The following TRIM29 variants were observed in gnomAD, a reference collection of about 807,000 sequenced individuals.
TRIM29 encodes the protein tripartite motif containing 29.
In TRIM29, 52 loss-of-function variants were observed where a neutral mutation model predicts 57.3. The observed-to-expected ratio is 0.91, with a 90% CI of 0.73 to 1.14. TRIM29 has a LOEUF of 1.14. Ranked by LOEUF, TRIM29 falls within the 50% of genes most tolerant of loss-of-function variation. TRIM29 has a pLI of 0.00. For missense variants in TRIM29, 753 were observed against 774.6 expected, an observed-to-expected ratio of 0.97 and a Z score of 0.33; for synonymous variants, 319 against 316.9, an observed-to-expected ratio of 1.01 and a Z score of -0.07.
intron 8 of TRIM29, among the ~76,000 whole-genome samples, chr11:120,112,730 C>T (rs1050652169): frequency 5.9e-5 from 9 of 152,098 alleles, no homozygotes; most frequent in Admixed American, 3.3e-4. Flanking sequence ...CCTCAGCCCC[C>T]GCATTACACT....
At chr11:120,122,159 TGTGTGA>T (rs1175773012) in intron 5 of TRIM29, among the ~76,000 whole-genome samples, 2 of 146,808 alleles carry the variant, frequency 1.4e-5, no homozygotes, top group African/African-American at 5.1e-5. Flanking sequence ...TGTGTGTGTG[TGTGTGA>T]AAGACGTGTG....
Position 120,121,792 on chromosome 11 carries a change from G to A in TRIM29, c.1436-1127C>T, listed in dbSNP as rs182020802. The A allele has an allele frequency of 1.3e-3, 442 of 335,726 alleles. 3 individuals carry two copies. The highest frequency in any genetic ancestry group is 7.9e-3 in the African/African-American group (368 of 46,726). 20.8% of individuals were successfully genotyped at this position (335,726 alleles called of 1,614,324 possible). A position where few individuals can be genotyped will look rare whatever the true frequency, so the allele number is the denominator to read the frequency against. ...GTCTCCTACAGAGCAGGAGAGACCC[G>A]CAGGAGCCTGTCAGGGCACTCGATG... On this transcript the variant is annotated intron_variant, in intron 5 of 8. Coordinates refer to ENST00000341846, the MANE Select transcript of TRIM29 (RefSeq NM_012101.4).
intron 1 of TRIM29, among the ~76,000 whole-genome samples, chr11:120,130,012 C>T (rs1055933642): frequency 1.3e-5 from 2 of 152,072 alleles, no homozygotes; most frequent in African/African-American, 4.8e-5. Flanking sequence ...GGAGAGAAGC[C>T]AGCAGCCACT....
intron 2 of TRIM29, among the ~76,000 whole-genome samples, chr11:120,128,199 A>C (rs1863638189): frequency 6.6e-6 from 1 of 152,218 alleles, no homozygotes; most frequent in African/African-American, 2.4e-5. Flanking sequence ...GCATTAGGTC[A>C]CAGACAGGAT....
chr11:120,114,474 T>A (rs528182243), intron 8 of TRIM29, among the ~76,000 whole-genome samples: 1 of 152,160 alleles, frequency 6.6e-6, no homozygotes, highest in South Asian at 2.1e-4. Context: ...GACCTCCAAT[T>A]GCAAGGACAG....
chr11:120,127,774 C>T (rs1863625703), intron 2 of TRIM29, among the ~76,000 whole-genome samples: 1 of 152,082 alleles, frequency 6.6e-6, no homozygotes, highest in Admixed American at 6.6e-5. Context: ...GGTTTGTTCA[C>T]AGTCCACGCT....
rs760970626 is a variant in TRIM29, at chr11:120,137,766, T to C, written c.266A>G (p.Lys89Arg). ...GTCCATGCTGAAGTAGTTGGAGTTC[T>C]TGTCGTCCCCGGACTCGACAAACTG... ...IIQFVESGDD[K>R]NSNYFSMDSM... The change falls in exon 1 of 9, where the codon AAG becomes AGG. Residue 89 changes from lysine (K) to arginine (R), a missense_variant. By Grantham distance (26) the Lys-to-Arg change is conservative. Transcript: ENST00000341846. This position sits in a 1 kb window ranked among gnomAD's most constrained non-coding sequence, Gnocchi z 6.2. 16 of 1,612,260 alleles carry C rather than the reference T, an allele frequency of 9.9e-6. No homozygotes were observed. In the East Asian group the frequency reaches 3.3e-4, roughly 34 times the overall value.
At chr11:120,135,407 A>T (rs890846463) in intron 1 of TRIM29, among the ~76,000 whole-genome samples, 1 of 152,138 alleles carries the variant, frequency 6.6e-6, no homozygotes, top group Non-Finnish European at 1.5e-5. Flanking sequence ...TGAGCGTGGA[A>T]AGGACTTATT....
rs982502409 is a variant in TRIM29 at position 120,115,771 on chromosome 11, A to G, written c.1628-357T>C. 4 of 243,638 alleles carry G rather than the reference A, an allele frequency of 1.6e-5. No homozygotes were observed. In the Admixed American group the frequency reaches 2.0e-4, roughly 12 times the overall value. 15.1% of individuals were successfully genotyped at this position (243,638 alleles called of 1,614,324 possible). A position where few individuals can be genotyped will look rare whatever the true frequency, so the allele number is the denominator to read the frequency against. On this transcript the variant is annotated intron_variant, in intron 7 of 8. Coordinates refer to ENST00000341846, the MANE Select transcript of TRIM29 (RefSeq NM_012101.4). Reference sequence around the variant, plus strand: ...ACACCACGGGCCCTCCCCTTCCCAGAGCCCAGGAGCGCCACGCATAAGCAT... The same window carrying G: ...ACACCACGGGCCCTCCCCTTCCCAGGGCCCAGGAGCGCCACGCATAAGCAT...
At position 120,125,818 on chromosome 11, in the gene TRIM29, C is replaced by T. The variant is rs189154451; in HGVS notation, c.1206G>A (p.Gly402=). 1.9e-6 allele frequency: 3 copies of T among 1,614,146 alleles called. No homozygotes were observed. The highest frequency in any genetic ancestry group is 2.5e-6 in the Non-Finnish European group (3 of 1,180,032). ...PLPTYHVLLE[G]EGLGQSLGNF... ...TGCCTAGTGACTGTCCCAGGCCCTC[C>T]CCCTCCAGCAGGACATGATAGGTGG... Residue 402 remains glycine, a synonymous_variant, in exon 4 of 9, where the codon GGG becomes GGA. Transcript: ENST00000341846.
At chr11:120,134,721 C>T (rs1863784678) in intron 1 of TRIM29, among the ~76,000 whole-genome samples, 1 of 152,230 alleles carries the variant, frequency 6.6e-6, no homozygotes, top group East Asian at 1.9e-4. Flanking sequence ...CTAAAACACA[C>T]ATATCCCAAT....
chr11:120,122,792 A>G (rs1352918140), intron 5 of TRIM29, among the ~76,000 whole-genome samples, 162 bp downstream of exon 5: 2 of 152,170 alleles, frequency 1.3e-5, no homozygotes, highest in African/African-American at 2.4e-5. Context: ...CCTGTTCATC[A>G]TCACATCAGG....
At chr11:120,115,498 C>A in intron 7 of TRIM29, 84 bp from the exon 8 acceptor site, 3 of 1,148,902 alleles carry the variant, frequency 2.6e-6, no homozygotes, top group South Asian at 2.9e-5. Context: ...GCTGCCTTCT[C>A]CAAAGTGACC....
intron 1 of TRIM29, among the ~76,000 whole-genome samples, chr11:120,131,014 T>C (rs1271181953): frequency 6.6e-6 from 1 of 152,036 alleles, no homozygotes; most frequent in African/African-American, 2.4e-5. Context: ...GAGGGAAGCG[T>C]AGCTCATGGA....
At chr11:120,115,283 T>A in intron 8 of TRIM29, 55 bp downstream of exon 8, 1 of 1,572,010 alleles carries the variant, frequency 6.4e-7, no homozygotes, top group Non-Finnish European at 8.7e-7. Flanking sequence ...GGGAGCCCCC[T>A]TCAGTGCCCA....
intron 1 of TRIM29, 79 bp from the exon 2 acceptor site, chr11:120,128,574 T>C (rs2135019419): frequency 2.0e-6 from 3 of 1,525,486 alleles, no homozygotes; most frequent in East Asian, 4.6e-5. Context: ...GCGGCTCCAC[T>C]CAGGGGGCAC....
chr11:120,119,086 TG>T, intron 6 of TRIM29, among the ~76,000 whole-genome samples: 1 of 152,124 alleles, frequency 6.6e-6, no homozygotes, highest in Non-Finnish European at 1.5e-5. Flanking sequence ...TCCTAAAACT[TG>T]GGGACAAGAC....
chr11:120,114,962 C>T (rs755631457), intron 8 of TRIM29, among the ~76,000 whole-genome samples: 12 of 152,166 alleles, frequency 7.9e-5, no homozygotes, highest in Non-Finnish European at 1.5e-4. Flanking sequence ...GAGGTGGGAC[C>T]CATCTCTAGG....
At chr11:120,124,161 A>G (rs1428163047) in intron 4 of TRIM29, 2 of 154,762 alleles carry the variant, frequency 1.3e-5, no homozygotes, top group Non-Finnish European at 2.9e-5. Flanking sequence ...CCACCTCGCC[A>G]CACACCTCGT....
Sources: allele counts gnomAD v4.1 joint callset (sites outside exome capture counted in the v4.1 genomes callset), GRCh38; gene constraint gnomAD v4.1.1; non-coding constraint Gnocchi (gnomAD v3.1); transcripts MANE v1.5; gene names NCBI Gene and HGNC (gene_info 2026-07-23, HGNC 2026-07-21).